MLLT10: variants seen among roughly 807,000 people sequenced by gnomAD.
MLLT10 encodes MLLT10 histone lysine methyltransferase DOT1L cofactor.
In MLLT10, 30 loss-of-function variants were observed where a neutral mutation model predicts 129.1. That is an observed-to-expected ratio of 0.23 (90% CI 0.17 to 0.32). MLLT10 has a LOEUF of 0.32. MLLT10 is among the 10% of genes least tolerant of loss of function. The pLI, the probability that MLLT10 is intolerant of heterozygous loss-of-function variation, is 1.00. For synonymous variants in MLLT10, 490 were observed against 446.4 expected (o/e 1.10, Z -1.23); for missense variants, 1,119 against 1,268.3 (o/e 0.88, Z 1.79).
chr10:21,596,650 T>A (rs115901522), intron 5 of MLLT10, among the ~76,000 whole-genome samples: 37 of 151,696 alleles, frequency 2.4e-4, no homozygotes, highest in South Asian at 1.7e-3. Flanking sequence ...AAAAAAAAAA[T>A]ATTAAAATGT....
rs1464299285 is a variant in MLLT10, at chr10:21,615,362, C to T, written c.603+438C>T. On this transcript the variant is annotated intron_variant, in intron 7 of 22. Transcript: ENST00000307729. ...ATCCCAGCTGCTTGGGACGCTGAGG[C>T]AGGAGAATTGCTTGAACCCAGGAGG... 1.3e-4 allele frequency among the ~76,000 whole-genome samples: 18 copies of T among 143,172 alleles called. No individual in the cohort carries two copies. In the Admixed American group the frequency reaches 1.4e-3, roughly 11 times the overall value. 93.9% of individuals were successfully genotyped at this position (143,172 alleles called of 152,430 possible). A position where few individuals can be genotyped will look rare whatever the true frequency, so the allele number is the denominator to read the frequency against.
In MLLT10 at chr10:21,682,264, T is replaced by A; in HGVS notation, c.1699+7T>A. The A allele has an allele frequency of 2.5e-6, 4 of 1,608,810 alleles. No individual in the cohort carries two copies. Among genetic ancestry groups the A allele is most frequent in the Non-Finnish European group, 3.4e-6 (4 of 1,178,116 alleles). The stretch of plus-strand genomic sequence containing the variant: ...CTGAATGCAATACACAACGGTAAGT[T>A]TTATTAGAATCTTCTCTAGTGGTTC... On this transcript the variant is annotated splice_region_variant and intron_variant, in intron 13 of 22. Transcript: ENST00000307729.
chr10:21,565,614 T>G (rs1412106961), intron 3 of MLLT10, among the ~76,000 whole-genome samples: 1 of 150,664 alleles, frequency 6.6e-6, no homozygotes, highest in Non-Finnish European at 1.5e-5. Context: ...GCCTTTTTTT[T>G]TTTTTTTTTG....
chr10:21,569,784 C>G (rs1188823535), intron 3 of MLLT10, among the ~76,000 whole-genome samples: 1 of 151,992 alleles, frequency 6.6e-6, no homozygotes, highest in African/African-American at 2.4e-5. Context: ...GCTCTGTTGC[C>G]TGGGCTGGAG....
At chr10:21,689,126 C>G (rs986110572) in intron 13 of MLLT10, among the ~76,000 whole-genome samples, 3 of 151,984 alleles carry the variant, frequency 2.0e-5, no homozygotes, top group Non-Finnish European at 4.4e-5. Context: ...CTTCTTGAGA[C>G]TGTCTTAGCT....
chr10:21,697,120 A>AAAT (rs1448115002), intron 13 of MLLT10, among the ~76,000 whole-genome samples: 51 of 151,354 alleles, frequency 3.4e-4, no homozygotes, highest in African/African-American at 1.2e-3. Flanking sequence ...AAAAAAAAAA[A>AAAT]AAGAGGGAGA....
At chr10:21,626,293 G>T in intron 8 of MLLT10, 1 of 1,316,242 alleles carries the variant, frequency 7.6e-7, no homozygotes. Context: ...ATCCAGGGCA[G>T]AGCAGGGGCT....
chr10:21,724,282 A>G (rs999152532), intron 14 of MLLT10, among the ~76,000 whole-genome samples: 7 of 152,250 alleles, frequency 4.6e-5, no homozygotes, highest in African/African-American at 1.7e-4. Context: ...CATCCCAGAA[A>G]CTGTTTCCGT....
chr10:21,550,634 C>T (rs1012971935), intron 3 of MLLT10, among the ~76,000 whole-genome samples: 15 of 152,024 alleles, frequency 9.9e-5, no homozygotes, highest in African/African-American at 3.6e-4. Context: ...TGGGTTGGAG[C>T]GATTCACCTT....
intron 3 of MLLT10, among the ~76,000 whole-genome samples, chr10:21,548,086 T>A (rs767722458): frequency 4.1e-4 from 62 of 152,238 alleles, no homozygotes; most frequent in Non-Finnish European, 7.5e-4. Flanking sequence ...CTAGTTTGAA[T>A]CCTTTGATAA....
chr10:21,660,446 T>C (rs956416995), intron 9 of MLLT10, among the ~76,000 whole-genome samples: 2 of 150,944 alleles, frequency 1.3e-5, no homozygotes, highest in African/African-American at 2.4e-5. Context: ...AGAAACTCTT[T>C]CTGTACTAAA....
chr10:21,675,283 A>G (rs776160762), intron 11 of MLLT10, among the ~76,000 whole-genome samples: 2 of 152,176 alleles, frequency 1.3e-5, no homozygotes, highest in East Asian at 3.9e-4. Context: ...GTTATTGACA[A>G]TTTGGATGGG....
chr10:21,692,315 A>G (rs1247093664), intron 13 of MLLT10, among the ~76,000 whole-genome samples: 1 of 151,588 alleles, frequency 6.6e-6, no homozygotes. Flanking sequence ...AATTATCACA[A>G]TGGTTATATT....
intron 14 of MLLT10, among the ~76,000 whole-genome samples, chr10:21,719,696 A>G (rs1216218630): frequency 1.3e-5 from 2 of 152,108 alleles, no homozygotes; most frequent in African/African-American, 2.4e-5. Context: ...GTGAGCCTCA[A>G]TGTTTCCATA....
At chr10:21,631,286 C>T (rs2046978511) in intron 8 of MLLT10, among the ~76,000 whole-genome samples, 2 of 143,420 alleles carry the variant, frequency 1.4e-5, no homozygotes, top group African/African-American at 5.3e-5. Context: ...TGCACTCCAG[C>T]CTGGGCAACA....
At chr10:21,678,164 G>A (rs934510443) in intron 11 of MLLT10, among the ~76,000 whole-genome samples, 15 of 152,030 alleles carry the variant, frequency 9.9e-5, no homozygotes, top group African/African-American at 3.6e-4. Flanking sequence ...GAGTGTAGTG[G>A]CCTGATCTCA....
Position 21,543,203 on chromosome 10 carries a change from C to G in MLLT10, c.240+4291C>G, listed in dbSNP as rs147053797. ...TGGCACAATCTTGGCTCACCACAAC[C>G]TCCACCTCCTGGATTCAAGCGATTT... On this transcript the variant is annotated intron_variant, in intron 3 of 22. Transcript: ENST00000307729. Among the ~76,000 whole-genome samples the G allele has an allele frequency of 5.3e-5, 8 of 152,308 alleles. No homozygotes were observed. The East Asian group carries it at 1.5e-3, about 29-fold the overall frequency.
intron 16 of MLLT10, among the ~76,000 whole-genome samples, chr10:21,729,891 G>C (rs975433834): frequency 6.6e-6 from 1 of 152,146 alleles, no homozygotes; most frequent in Non-Finnish European, 1.5e-5. Context: ...CTTAATACAA[G>C]TGCTGTTTGT....
chr10:21,616,550 A>G (rs547968155), intron 7 of MLLT10, among the ~76,000 whole-genome samples: 1 of 152,240 alleles, frequency 6.6e-6, no homozygotes, highest in Non-Finnish European at 1.5e-5. Context: ...TGCTTTGAAA[A>G]GTGCATGAGT....
Sources: allele counts gnomAD v4.1 joint callset (sites outside exome capture counted in the v4.1 genomes callset), GRCh38; gene constraint gnomAD v4.1.1; transcripts MANE v1.5; gene names NCBI Gene and HGNC (gene_info 2026-07-23, HGNC 2026-07-21).